ZNF718: variants seen among roughly 807,000 people sequenced by gnomAD.
The protein encoded by ZNF718 is zinc finger protein 718.
ZNF718 carries 3 observed loss-of-function variants against 2.6 expected under a neutral mutation model. The observed-to-expected ratio is 1.16, with a 90% CI of 0.53 to 3.01. The LOEUF is 3.01. Ranked by LOEUF, ZNF718 falls within the 30% of genes most tolerant of loss-of-function variation. The pLI is 0.03. For synonymous variants in ZNF718, 135 were observed against 77.9 expected, an observed-to-expected ratio of 1.73 and a Z score of -3.86; for missense variants, 468 against 230.0, an observed-to-expected ratio of 2.03 and a Z score of -6.69.
chr4:176,372 T>G (rs570319049), intron 3 of ZNF718, among the ~76,000 whole-genome samples: 2 of 152,286 alleles, frequency 1.3e-5, no homozygotes, highest in African/African-American at 4.8e-5. Context: ...AAGATTTTCT[T>G]AAGCCCAACC....
rs1452968808 is a variant in ZNF718, at chr4:133,207, T to A, written c.226+1702T>A. ...AAAAAAAAAAAAAAATATATATATA[T>A]ATATATATATATATATATATATGGT... On this transcript the variant is annotated intron_variant, in intron 3 of 3. Transcript: ENST00000510175. Among the ~76,000 whole-genome samples the A allele has an allele frequency of 8.8e-3, 200 of 22,670 alleles. 20 individuals are homozygous for A. Among genetic ancestry groups the A allele is most frequent in the African/African-American group, 0.043 (186 of 4,354 alleles). 14.9% of individuals were successfully genotyped at this position (22,670 alleles called of 152,430 possible).
intron 3 of ZNF718, among the ~76,000 whole-genome samples, chr4:184,896 C>T (rs2108814386): frequency 6.6e-6 from 1 of 152,068 alleles, no homozygotes; most frequent in Admixed American, 6.6e-5. Flanking sequence ...TTTGAATCTT[C>T]CCTCTTCTTT....
rs868934464 is a variant in ZNF718, at chr4:194,862, C to T, written c.227-6219C>T. Among the ~76,000 whole-genome samples the T allele has an allele frequency of 9.9e-5, 15 of 152,278 alleles. 1 individual carries two copies. The South Asian group carries it at 1.0e-3, about 11-fold the overall frequency. ...GATGCCACTACCCCTAGCCATTTTCCGATGAGCATTAGTCCTAGGGCATCC... is the reference window on the plus strand; with the variant it reads ...GATGCCACTACCCCTAGCCATTTTCTGATGAGCATTAGTCCTAGGGCATCC... On this transcript the variant is annotated intron_variant and NMD_transcript_variant, in intron 3 of 4. Coordinates refer to the ZNF718 transcript ENST00000642529.
At chr4:186,555 T>C (rs1490769860) in intron 3 of ZNF718, among the ~76,000 whole-genome samples, 1 of 152,206 alleles carries the variant, frequency 6.6e-6, no homozygotes, top group Non-Finnish European at 1.5e-5. Flanking sequence ...GAAGTTCTCC[T>C]GGATGATATC....
intron 1 of ZNF718, among the ~76,000 whole-genome samples, chr4:128,539 A>G (rs1715287078): frequency 9.7e-6 from 1 of 102,750 alleles, no homozygotes; most frequent in African/African-American, 3.4e-5. Context: ...GACAGGGGAT[A>G]TCACATCTGG....
intron 3 of ZNF718, among the ~76,000 whole-genome samples, chr4:145,942 T>C (rs905188247): frequency 6.6e-5 from 10 of 152,114 alleles, no homozygotes; most frequent in African/African-American, 2.2e-4. Context: ...ACACTATTTA[T>C]GTCACCCTTT....
Position 156,452 on chromosome 4 carries a change from A to G in ZNF718, c.227-4460A>G, listed in dbSNP as rs140099948. On this transcript the variant is annotated intron_variant, in intron 3 of 3. Transcript: ENST00000510175. Reference sequence around the variant, plus strand: ...TTAGAAGATAATTTCAAAAGCCATCATACCTCTGTATCTCTTCTAGATATT... The same window carrying G: ...TTAGAAGATAATTTCAAAAGCCATCGTACCTCTGTATCTCTTCTAGATATT... Among the ~76,000 whole-genome samples, 15 of 152,044 alleles carry G rather than the reference A, an allele frequency of 9.9e-5. No individual in the cohort carries two copies. The East Asian group carries it at 2.7e-3, about 28-fold the overall frequency.
intron 3 of ZNF718, among the ~76,000 whole-genome samples, chr4:175,564 A>C (rs1217564900): frequency 6.6e-6 from 1 of 152,186 alleles, no homozygotes; most frequent in Non-Finnish European, 1.5e-5. Flanking sequence ...CTTTAACCCT[A>C]TCTTGTGCAG....
intron 3 of ZNF718, among the ~76,000 whole-genome samples, chr4:147,378 G>A (rs1716112194): frequency 6.6e-6 from 1 of 152,122 alleles, no homozygotes; most frequent in Non-Finnish European, 1.5e-5. Context: ...AACTAGTTTG[G>A]GGAGGTAAAT....
intron 1 of ZNF718, among the ~76,000 whole-genome samples, chr4:125,710 A>G (rs1463909361): frequency 6.6e-6 from 1 of 152,176 alleles, no homozygotes; most frequent in African/African-American, 2.4e-5. Context: ...CAGTTCTAAG[A>G]AACATCCCTT....
intron 3 of ZNF718, among the ~76,000 whole-genome samples, chr4:170,770 A>G (rs1054646983): frequency 2.0e-5 from 3 of 151,970 alleles, no homozygotes; most frequent in Admixed American, 1.3e-4. Context: ...CAAGGTTTTT[A>G]ACTTCTTTGC....
At chr4:196,087 A>G (rs1399057495) in intron 3 of ZNF718, among the ~76,000 whole-genome samples, 5 of 151,010 alleles carry the variant, frequency 3.3e-5, no homozygotes, top group African/African-American at 1.2e-4. Context: ...TTCGCCTTCA[A>G]CCTGATCTAT....
At chr4:132,214 A>G (rs1357028272) in intron 3 of ZNF718, among the ~76,000 whole-genome samples, 1,210 of 101,826 alleles carry the variant, frequency 0.012, 373 homozygotes, top group African/African-American at 0.039. Flanking sequence ...ATAGAGCTAG[A>G]CTCTGTCTCA....
At chr4:151,695 G>A (rs1203709781) in intron 3 of ZNF718, among the ~76,000 whole-genome samples, 1 of 152,082 alleles carries the variant, frequency 6.6e-6, no homozygotes, top group African/African-American at 2.4e-5. Flanking sequence ...GGCCAGTCTG[G>A]TCTTGAACTC....
At chr4:137,906 C>T (rs1715644034) in intron 3 of ZNF718, among the ~76,000 whole-genome samples, 1 of 152,136 alleles carries the variant, frequency 6.6e-6, no homozygotes, top group Admixed American at 6.5e-5. Context: ...CATAATCTTT[C>T]TTCCTGTATT....
At chr4:147,479 C>T (rs1233008814) in intron 3 of ZNF718, among the ~76,000 whole-genome samples, 1 of 152,166 alleles carries the variant, frequency 6.6e-6, no homozygotes, top group Non-Finnish European at 1.5e-5. Context: ...TACTACCGGG[C>T]CTGCCATGAA....
chr4:156,530 TACTC>T (rs575522687), intron 3 of ZNF718, among the ~76,000 whole-genome samples: 543 of 152,306 alleles, frequency 3.6e-3, no homozygotes, highest in African/African-American at 0.012. Context: ...ATATTTTTAA[TACTC>T]AGTCATATTA....
At chr4:181,363 A>C (rs1013768685) in intron 3 of ZNF718, among the ~76,000 whole-genome samples, 1 of 151,546 alleles carries the variant, frequency 6.6e-6, no homozygotes, top group Non-Finnish European at 1.5e-5. Context: ...TTTTTTGCCT[A>C]ATCCAACATT....
At chr4:164,571 GTATT>G (rs782555781), downstream of ZNF718, among the ~76,000 whole-genome samples, 111 of 152,050 alleles carry the variant, frequency 7.3e-4, no homozygotes, top group Middle Eastern at 0.01. Flanking sequence ...ACTTCATTAA[GTATT>G]TATTGTGTGA....
Sources: allele counts gnomAD v4.1 joint callset (sites outside exome capture counted in the v4.1 genomes callset), GRCh38; gene constraint gnomAD v4.1.1; transcripts MANE v1.5; gene names NCBI Gene and HGNC (gene_info 2026-07-23, HGNC 2026-07-21).